Variants in MAP2K5 observed in about 807,000 individuals in gnomAD.
MAP2K5 encodes the protein dual specificity mitogen-activated protein kinase kinase 5.
MAP2K5 carries 49 observed loss-of-function variants against 83.1 expected under a neutral mutation model. The observed-to-expected ratio is 0.59, with a 90% CI of 0.47 to 0.75. The LOEUF is 0.75. Ranked by LOEUF, MAP2K5 falls within the 30% of genes least tolerant of loss-of-function variation. The pLI is 0.00. For missense variants in MAP2K5, 457 were observed against 557.5 expected, an observed-to-expected ratio of 0.82 and a Z score of 1.82; for synonymous variants, 202 against 191.8, an observed-to-expected ratio of 1.05 and a Z score of -0.44.
At chr15:67,761,079 A>T (rs909213363) in intron 19 of MAP2K5, among the ~76,000 whole-genome samples, 7 of 151,732 alleles carry the variant, frequency 4.6e-5, no homozygotes, top group African/African-American at 1.7e-4. Flanking sequence ...CATTCCAGGG[A>T]GTGTAAGTTC....
chr15:67,768,677 A>T lies in MAP2K5; in HGVS notation c.1135-925A>T, dbSNP rs527783113. Among the ~76,000 whole-genome samples, 1 of 152,330 alleles carries T rather than the reference A, an allele frequency of 6.6e-6. No individual in the cohort carries two copies. The highest frequency in any genetic ancestry group is 2.1e-4 in the South Asian group (1 of 4,830). On this transcript the variant is annotated intron_variant, in intron 19 of 21. Transcript: ENST00000178640. The surrounding 1 kb of genome is among the most constrained non-coding windows in gnomAD (Gnocchi z 4.0). The stretch of plus-strand genomic sequence containing the variant: ...TATTTTTAATAGCAAATGAGAATAG[A>T]TGAGAATGGAGTCATTTGCAGCTGC...
chr15:67,715,015 A>G (rs1389289487), intron 16 of MAP2K5, among the ~76,000 whole-genome samples: 1 of 152,202 alleles, frequency 6.6e-6, no homozygotes, highest in Admixed American at 6.5e-5. Flanking sequence ...AAAAGGTGAA[A>G]GGATCTGAAG....
intron 8 of MAP2K5, among the ~76,000 whole-genome samples, chr15:67,610,320 G>A (rs545793993): frequency 1.7e-4 from 26 of 152,080 alleles, no homozygotes; most frequent in African/African-American, 6.0e-4. Flanking sequence ...CTACCCTTTG[G>A]GTGTCCTTAT....
rs2088921350 is a variant in MAP2K5, at chr15:67,720,144, G to A, written c.1045-7772G>A. 1.3e-5 allele frequency among the ~76,000 whole-genome samples: 2 copies of A among 152,022 alleles called. No individual in the cohort carries two copies. Among genetic ancestry groups the A allele is most frequent in the Non-Finnish European group, 2.9e-5 (2 of 68,022 alleles). On this transcript the variant is annotated intron_variant, in intron 16 of 21. Coordinates refer to ENST00000178640, the MANE Select transcript of MAP2K5 (RefSeq NM_145160.3). The surrounding 1 kb of genome is among the most constrained non-coding windows in gnomAD (Gnocchi z 5.7). ...TACTTACTATGGCCTAGTTAAAATTGTATATTCCATTTAAACACAGTATCT... is the reference window on the plus strand; with the variant it reads ...TACTTACTATGGCCTAGTTAAAATTATATATTCCATTTAAACACAGTATCT...
At position 67,703,430 on chromosome 15, in the gene MAP2K5, G is replaced by A. The variant is rs571964534; in HGVS notation, c.1044+22G>A. 16 of 1,585,396 alleles carry A rather than the reference G, an allele frequency of 1.0e-5. No individual in the cohort carries two copies. In the East Asian group the frequency reaches 1.6e-4, roughly 16 times the overall value. ...GGAGGTACGTTGTTTGCACATAGAC[G>A]CTTCTGTGCATATCTGTACTAATAT... On this transcript the variant is annotated intron_variant, in intron 16 of 21. Coordinates refer to ENST00000178640, the MANE Select transcript of MAP2K5 (RefSeq NM_145160.3).
At chr15:67,556,198 T>A (rs968522298) in intron 2 of MAP2K5, among the ~76,000 whole-genome samples, 1 of 152,236 alleles carries the variant, frequency 6.6e-6, no homozygotes, top group Non-Finnish European at 1.5e-5. Flanking sequence ...AGGTTGGCCC[T>A]TTGTCTTGTG....
At chr15:67,704,015 C>A (rs947542309) in intron 16 of MAP2K5, among the ~76,000 whole-genome samples, 1 of 152,024 alleles carries the variant, frequency 6.6e-6, no homozygotes, top group African/African-American at 2.4e-5. Flanking sequence ...ATTGCAATAT[C>A]AACTCTTTAT....
At chr15:67,803,930 G>A (rs1483945872) in intron 21 of MAP2K5, among the ~76,000 whole-genome samples, 1 of 152,184 alleles carries the variant, frequency 6.6e-6, no homozygotes, top group Admixed American at 6.5e-5. Flanking sequence ...TGGGAGCTCA[G>A]GCAGGTCAGC....
At chr15:67,553,538 G>C (rs983672660) in intron 2 of MAP2K5, among the ~76,000 whole-genome samples, 4 of 152,196 alleles carry the variant, frequency 2.6e-5, no homozygotes, top group Middle Eastern at 3.2e-3. Flanking sequence ...TGAAATCCTA[G>C]GCTGGCTTTT....
At chr15:67,646,334 C>T in intron 10 of MAP2K5, 35 bp downstream of exon 10, 1 of 1,384,734 alleles carries the variant, frequency 7.2e-7, no homozygotes, top group East Asian at 2.3e-5. Context: ...GTAAAGCATG[C>T]CTATGGTATT....
At chr15:67,659,532 A>C (rs143801330) in intron 12 of MAP2K5, among the ~76,000 whole-genome samples, 1 of 152,082 alleles carries the variant, frequency 6.6e-6, no homozygotes, top group Admixed American at 6.6e-5. Flanking sequence ...TTCTGATGCT[A>C]TTGCTCCTAA....
At chr15:67,680,708 C>G (rs1397037214) in intron 13 of MAP2K5, among the ~76,000 whole-genome samples, 7 of 152,194 alleles carry the variant, frequency 4.6e-5, no homozygotes, top group Non-Finnish European at 8.8e-5. Flanking sequence ...TCATAACCAC[C>G]TATTATCTAC....
At position 67,738,903 on chromosome 15, in the gene MAP2K5, C is replaced by T. The variant is rs1001386006; in HGVS notation, c.1075-9328C>T. Among the ~76,000 whole-genome samples, 13 of 152,164 alleles carry T rather than the reference C, an allele frequency of 8.5e-5. No individual in the cohort carries two copies. Among genetic ancestry groups the T allele is most frequent in the Non-Finnish European group, 1.8e-4 (12 of 68,032 alleles). On this transcript the variant is annotated intron_variant, in intron 17 of 21. Coordinates refer to ENST00000178640, the MANE Select transcript of MAP2K5 (RefSeq NM_145160.3). The surrounding 1 kb of genome is among the most constrained non-coding windows in gnomAD (Gnocchi z 4.1). ...CCTCTTGCTCATCACCATCTCCCTC[C>T]GATTACTTCCTTGAAGTTTACTGAA...
At chr15:67,586,014 C>A in intron 5 of MAP2K5, 84 bp downstream of exon 5, 1 of 1,242,506 alleles carries the variant, frequency 8.0e-7, no homozygotes, top group Non-Finnish European at 1.2e-6. Context: ...AATAAAACTG[C>A]ACTTTCTCAA....
chr15:67,699,954 A>G (rs966882158), intron 15 of MAP2K5, among the ~76,000 whole-genome samples: 5 of 138,984 alleles, frequency 3.6e-5, no homozygotes, highest in African/African-American at 5.4e-5. Context: ...CTGCCTACAC[A>G]GGGATCTTGC....
intron 19 of MAP2K5, among the ~76,000 whole-genome samples, chr15:67,766,603 A>G (rs1281026627): frequency 6.6e-6 from 1 of 152,248 alleles, no homozygotes; most frequent in Non-Finnish European, 1.5e-5. Context: ...ACTGGAGCGC[A>G]AATTTACTGT....
intron 16 of MAP2K5, among the ~76,000 whole-genome samples, chr15:67,710,957 G>A (rs1393253940): frequency 1.3e-5 from 2 of 152,220 alleles, no homozygotes; most frequent in Admixed American, 6.5e-5. Flanking sequence ...CCAAGATACA[G>A]TTTAAATAAC....
In MAP2K5 at chr15:67,565,072, G is replaced by C. The variant is rs2084810580; in HGVS notation, c.252+1722G>C. On this transcript the variant is annotated intron_variant, in intron 3 of 21. Transcript: ENST00000178640. This position sits in a 1 kb window ranked among gnomAD's most constrained non-coding sequence, Gnocchi z 4.1. ...CTTATTTTTTAGATGAGGAAGCTGT[G>C]GTTAAGAGATAAGCCCAAGGTCTTA... 6.6e-6 allele frequency among the ~76,000 whole-genome samples: 1 copy of C among 152,104 alleles called. No individual in the cohort carries two copies. The highest frequency in any genetic ancestry group is 1.5e-5 in the Non-Finnish European group (1 of 68,024).
In MAP2K5 at chr15:67,555,221, T is replaced by C. The variant is rs2084601052; in HGVS notation, c.184+5139T>C. On this transcript the variant is annotated intron_variant, in intron 2 of 21. Transcript: ENST00000178640. This position sits in a 1 kb window ranked among gnomAD's most constrained non-coding sequence, Gnocchi z 5.2. ...GCACTAGCATCTGCTTGCATTCTGC[T>C]GAGGAAGCTTTTACTTATGGCAGAA... Among the ~76,000 whole-genome samples, 1 of 152,168 alleles carries C rather than the reference T, an allele frequency of 6.6e-6. No homozygotes were observed. Among genetic ancestry groups the C allele is most frequent in the Admixed American group, 6.5e-5 (1 of 15,274 alleles).
Sources: gnomAD v4.1 joint callset for allele counts (sites outside exome capture counted in the v4.1 genomes callset) on GRCh38, gnomAD v4.1.1 for gene constraint, Gnocchi (gnomAD v3.1) non-coding constraint, MANE v1.5 for transcripts, NCBI Gene and HGNC (gene_info 2026-07-23, HGNC 2026-07-21) for gene names.